The following OGFRL1 variants were observed in gnomAD, a reference collection of about 807,000 sequenced individuals.
OGFRL1 encodes the protein opioid growth factor receptor-like protein 1.
OGFRL1 carries 26 observed loss-of-function variants against 32.4 expected under a neutral mutation model. The observed-to-expected ratio is 0.80, with a 90% CI of 0.59 to 1.11. The LOEUF is 1.11. Ranked by LOEUF, OGFRL1 falls within the 50% of genes most tolerant of loss-of-function variation. OGFRL1 has a pLI of 0.00. For synonymous variants in OGFRL1, 211 were observed against 201.2 expected, an observed-to-expected ratio of 1.05 and a Z score of -0.41; for missense variants, 521 against 546.4, an observed-to-expected ratio of 0.95 and a Z score of 0.46.
In OGFRL1 at chr6:71,303,098, G is replaced by A. The variant is rs1219404865; in HGVS notation, c.*1049G>A. The A allele has an allele frequency of 6.6e-6, 1 of 152,100 alleles. No individual in the cohort carries two copies. The highest frequency in any genetic ancestry group is 1.5e-5 in the Non-Finnish European group (1 of 68,026). 9.4% of individuals were successfully genotyped at this position (152,100 alleles called of 1,614,324 possible). A position where few individuals can be genotyped will look rare whatever the true frequency, so the allele number is the denominator to read the frequency against. On this transcript the variant is annotated 3_prime_UTR_variant, in exon 7 of 7. Coordinates refer to ENST00000370435, the MANE Select transcript of OGFRL1 (RefSeq NM_024576.5). ...AAATATTTGTTGGAAAAAATGGATG[G>A]TTACATCTCTACTAAATATGTGCAG...
At chr6:71,299,875 A>G (rs1238862235) in intron 6 of OGFRL1, among the ~76,000 whole-genome samples, 1 of 152,224 alleles carries the variant, frequency 6.6e-6, no homozygotes, top group African/African-American at 2.4e-5. Flanking sequence ...TGTTAAGACA[A>G]TAATTTTTTA....
chr6:71,289,027 C>T lies in OGFRL1; in HGVS notation c.91C>T (p.Pro31Ser), dbSNP rs1391363535. The T allele has an allele frequency of 1.4e-5, 19 of 1,351,168 alleles. No homozygotes were observed. The highest frequency in any genetic ancestry group is 8.9e-5 in the Admixed American group (4 of 44,748). The allele number at this position is 1,351,168 out of a possible 1,614,324, so 83.7% of individuals were successfully genotyped here. ...STWQTDSEPE[P>S]EEPGPGGGSE... ...CTGGCAGACCGACTCGGAGCCCGAG[C>T]CCGAAGAACCAGGGCCGGGCGGCGG... The change falls in exon 1 of 7, where the codon CCC becomes TCC. Residue 31 changes from proline (P) to serine (S), a missense_variant. Physicochemically the swap from Pro to Ser is moderately conservative, Grantham distance 74 (BLOSUM62 -1). Coordinates refer to ENST00000370435, the MANE Select transcript of OGFRL1 (RefSeq NM_024576.5).
intron 6 of OGFRL1, among the ~76,000 whole-genome samples, chr6:71,298,249 G>T (rs1051799291): frequency 3.9e-5 from 6 of 151,904 alleles, no homozygotes; most frequent in African/African-American, 1.5e-4. Context: ...AGCAATACAG[G>T]TAGCTAGCTC....
At position 71,293,382 on chromosome 6, in the gene OGFRL1, A is replaced by G. The variant is rs774498259; in HGVS notation, c.321+3A>G. On this transcript the variant is annotated splice_donor_region_variant and intron_variant, in intron 2 of 6. Coordinates refer to ENST00000370435, the MANE Select transcript of OGFRL1 (RefSeq NM_024576.5). ...ACAAGTACCGACACCAGTACCCAGTAAGAGTATAGAATGCTATGTTTTAAA... is the reference window on the plus strand; with the variant it reads ...ACAAGTACCGACACCAGTACCCAGTGAGAGTATAGAATGCTATGTTTTAAA... 1.4e-5 allele frequency: 22 copies of G among 1,612,094 alleles called. No homozygotes were observed. The highest frequency in any genetic ancestry group is 1.9e-5 in the Non-Finnish European group (22 of 1,178,762).
chr6:71,290,169 G>C (rs1320349748), intron 1 of OGFRL1, among the ~76,000 whole-genome samples: 1 of 152,096 alleles, frequency 6.6e-6, no homozygotes, highest in Non-Finnish European at 1.5e-5. Context: ...TTTTGGGGTG[G>C]GTGTTTGCTG....
intron 1 of OGFRL1, among the ~76,000 whole-genome samples, chr6:71,292,278 C>T (rs775033724): frequency 1.3e-5 from 2 of 152,144 alleles, no homozygotes; most frequent in Non-Finnish European, 2.9e-5. Context: ...TGTTAAGCAT[C>T]AGAAGATTTG....
intron 3 of OGFRL1, among the ~76,000 whole-genome samples, chr6:71,296,094 A>C (rs1766199800): frequency 1.3e-5 from 2 of 152,202 alleles, no homozygotes; most frequent in Non-Finnish European, 2.9e-5. Context: ...TACATTGTCC[A>C]ACAAAGCCTT....
At chr6:71,289,417 TCAAGGCAGAA>T in intron 1 of OGFRL1, 1 of 984,964 alleles carries the variant, frequency 1.0e-6, no homozygotes, top group Non-Finnish European at 1.2e-6. Context: ...AGGAAGTCCC[TCAAGGCAGAA>T]CCCAACTTGA....
At position 71,293,396 on chromosome 6, in the gene OGFRL1, C is replaced by T; in HGVS notation, c.321+17C>T. The T allele has an allele frequency of 6.2e-7, 1 of 1,607,674 alleles. No individual in the cohort carries two copies. Among genetic ancestry groups the T allele is most frequent in the Non-Finnish European group, 8.5e-7 (1 of 1,176,088 alleles). Reference sequence around the variant, plus strand: ...CAGTACCCAGTAAGAGTATAGAATGCTATGTTTTAAACTGTAAACTATTTT... The same window carrying T: ...CAGTACCCAGTAAGAGTATAGAATGTTATGTTTTAAACTGTAAACTATTTT... On this transcript the variant is annotated intron_variant, in intron 2 of 6. Transcript: ENST00000370435.
At position 71,303,226 on chromosome 6, in the gene OGFRL1, T is replaced by G. The variant is rs1344482258; in HGVS notation, c.*1177T>G. ...TATTGTAAGTAATTTAGAGATGATT[T>G]AAAGTATTTTACATAAGGGACTTGA... On this transcript the variant is annotated 3_prime_UTR_variant, in exon 7 of 7. Coordinates refer to ENST00000370435, the MANE Select transcript of OGFRL1 (RefSeq NM_024576.5). The G allele has an allele frequency of 6.6e-6, 1 of 152,224 alleles. No individual in the cohort carries two copies. Among genetic ancestry groups the G allele is most frequent in the Non-Finnish European group, 1.5e-5 (1 of 68,034 alleles). 9.4% of individuals were successfully genotyped at this position (152,224 alleles called of 1,614,324 possible).
intron 3 of OGFRL1, among the ~76,000 whole-genome samples, chr6:71,296,023 C>T (rs1036411413): frequency 2.0e-5 from 3 of 152,018 alleles, no homozygotes; most frequent in Non-Finnish European, 4.4e-5. Flanking sequence ...AGCTATATTC[C>T]AATAAAACTT....
At chr6:71,291,135 CAG>C (rs2149351349) in intron 1 of OGFRL1, among the ~76,000 whole-genome samples, 1 of 152,228 alleles carries the variant, frequency 6.6e-6, no homozygotes, top group South Asian at 2.1e-4. Flanking sequence ...CCCAATGAGA[CAG>C]AAAGTAAACT....
chr6:71,289,885 G>A (rs1376704530), intron 1 of OGFRL1: 1 of 914,010 alleles, frequency 1.1e-6, no homozygotes, highest in Non-Finnish European at 1.3e-6. Flanking sequence ...GAGGAAATAT[G>A]TAGCCGACCC....
intron 1 of OGFRL1, among the ~76,000 whole-genome samples, chr6:71,290,932 G>T (rs1561945582): frequency 6.6e-6 from 1 of 152,134 alleles, no homozygotes; most frequent in Non-Finnish European, 1.5e-5. Context: ...ATCATTTGTT[G>T]GGTAGTTAAA....
At position 71,301,358 on chromosome 6, in the gene OGFRL1, A is replaced by G. The variant is rs766679390; in HGVS notation, c.693-28A>G. 16 of 1,514,694 alleles carry G rather than the reference A, an allele frequency of 1.1e-5. No individual in the cohort carries two copies. The African/African-American group carries it at 1.8e-4, about 17-fold the overall frequency. The allele number at this position is 1,514,694 out of a possible 1,614,324, so 93.8% of individuals were successfully genotyped here. A position where few individuals can be genotyped will look rare whatever the true frequency, so the allele number is the denominator to read the frequency against. On this transcript the variant is annotated intron_variant, in intron 6 of 6. Coordinates refer to ENST00000370435, the MANE Select transcript of OGFRL1 (RefSeq NM_024576.5). Reference sequence around the variant, plus strand: ...TGCCTTCCTACACCTGATTTCCCCCACTCATTTTATTCAATCCTCTCTTCC... The same window carrying G: ...TGCCTTCCTACACCTGATTTCCCCCGCTCATTTTATTCAATCCTCTCTTCC...
intron 1 of OGFRL1, chr6:71,291,992 G>A (rs1766064774): frequency 6.6e-6 from 1 of 152,178 alleles, no homozygotes; most frequent in Non-Finnish European, 1.5e-5. Context: ...TTGTTTCTAA[G>A]ATGGAAACAC....
At chr6:71,297,940 C>A (rs1233571889) in intron 6 of OGFRL1, among the ~76,000 whole-genome samples, 1 of 146,906 alleles carries the variant, frequency 6.8e-6, no homozygotes, top group Non-Finnish European at 1.5e-5. Flanking sequence ...TCTCCTAATG[C>A]TATCCCTCCC....
chr6:71,307,568 CTT>C lies in OGFRL1; in HGVS notation c.*5521_*5522del, dbSNP rs1241656453. On this transcript the variant is annotated 3_prime_UTR_variant, in exon 7 of 7. Transcript: ENST00000370435. ...ACAGCTGTATATTAATATAAAATCT[CTT>C]TATAAAATGATTCAGAGAAAAGGCA... 1 of 152,020 alleles carries C rather than the reference CTT, an allele frequency of 6.6e-6. No individual in the cohort carries two copies. The highest frequency in any genetic ancestry group is 2.4e-5 in the African/African-American group (1 of 41,416). 9.4% of individuals were successfully genotyped at this position (152,020 alleles called of 1,614,324 possible).
At chr6:71,294,709 A>C (rs1197583446) in intron 3 of OGFRL1, among the ~76,000 whole-genome samples, 1 of 152,214 alleles carries the variant, frequency 6.6e-6, no homozygotes, top group Admixed American at 6.5e-5. Flanking sequence ...AGTTATATTT[A>C]CTAATGATAG....
Sources: allele counts gnomAD v4.1 joint callset (sites outside exome capture counted in the v4.1 genomes callset), GRCh38; gene constraint gnomAD v4.1.1; transcripts MANE v1.5; gene names NCBI Gene and HGNC (gene_info 2026-07-23, HGNC 2026-07-21).